TMOD1: variants seen among roughly 807,000 people sequenced by gnomAD.
TMOD1 encodes tropomodulin-1.
TMOD1 carries 17 observed loss-of-function variants against 40.6 expected under a neutral mutation model. The ratio of observed to expected loss-of-function variants is 0.42; its 90% confidence interval spans 0.29 to 0.63. The LOEUF (loss-of-function observed/expected upper bound fraction) is 0.63. TMOD1 is among the 20% of genes least tolerant of loss of function. The probability of loss-of-function intolerance (pLI) is 0.22; values close to 1 mark genes in which losing one functional copy is unlikely to be tolerated. For missense variants in TMOD1, 391 were observed against 447.6 expected, an observed-to-expected ratio of 0.87 and a Z score of 1.14; for synonymous variants, 181 against 175.0, an observed-to-expected ratio of 1.03 and a Z score of -0.27.
rs138882541 is a variant in TMOD1, at chr9:97,528,267, C to T, written c.120+3959C>T. ...CAGGACCCAGGCAGGCACGGAGACTCGGATTTCAAACAGGCTCCAGAGTGT... is the reference window on the plus strand; with the variant it reads ...CAGGACCCAGGCAGGCACGGAGACTTGGATTTCAAACAGGCTCCAGAGTGT... On this transcript the variant is annotated intron_variant, in intron 2 of 9. Transcript: ENST00000259365. Among the ~76,000 whole-genome samples the T allele has an allele frequency of 2.5e-3, 387 of 152,238 alleles. 3 individuals are homozygous for T. The highest frequency in any genetic ancestry group is 8.6e-3 in the African/African-American group (356 of 41,542).
chr9:97,598,327 C>CA (rs71369518), intron 9 of TMOD1, among the ~76,000 whole-genome samples: 4,585 of 71,022 alleles, frequency 0.065, 396 homozygotes, highest in African/African-American at 0.2. Context: ...AACTCCATCT[C>CA]AAAAAAAAAA....
chr9:97,518,588 C>G (rs1829864114), intron 1 of TMOD1, among the ~76,000 whole-genome samples: 1 of 152,238 alleles, frequency 6.6e-6, no homozygotes, highest in African/African-American at 2.4e-5. Flanking sequence ...TTGTCACTGG[C>G]CTTCCAATCA....
At chr9:97,585,980 C>T (rs1447680763) in intron 8 of TMOD1, among the ~76,000 whole-genome samples, 2 of 150,744 alleles carry the variant, frequency 1.3e-5, no homozygotes, top group Middle Eastern at 3.4e-3. Context: ...GTAATTTGAT[C>T]GTCTGAAGCC....
At chr9:97,531,033 A>ACCCCCCC (rs202030181) in intron 2 of TMOD1, among the ~76,000 whole-genome samples, 41 of 78,246 alleles carry the variant, frequency 5.2e-4, no homozygotes, top group East Asian at 6.9e-4. Flanking sequence ...GGTGATCCAC[A>ACCCCCCC]CCCACCCCCC....
intron 1 of TMOD1, among the ~76,000 whole-genome samples, chr9:97,510,517 C>CA (rs1321457852): frequency 6.6e-6 from 1 of 152,240 alleles, no homozygotes; most frequent in African/African-American, 2.4e-5. Context: ...AGGCCTGAGC[C>CA]ACCACACCCG....
At chr9:97,520,131 G>T (rs1188275354) in intron 1 of TMOD1, among the ~76,000 whole-genome samples, 1 of 152,072 alleles carries the variant, frequency 6.6e-6, no homozygotes, top group African/African-American at 2.4e-5. Flanking sequence ...CCTTTGCAGG[G>T]CCCTGGAGGC....
rs141560381 is a variant in TMOD1 at position 97,590,298 on chromosome 9, G to A, written c.871-993G>A. 4.6e-5 allele frequency among the ~76,000 whole-genome samples: 7 copies of A among 151,748 alleles called. No individual in the cohort carries two copies. The South Asian group carries it at 6.2e-4, about 14-fold the overall frequency. ...GAGGGCAGTGGCACAATTTCGGCTC[G>A]CTGCAAACTCTGCCTCCCGGGTTCA... On this transcript the variant is annotated intron_variant, in intron 8 of 9. Transcript: ENST00000259365.
At chr9:97,598,786 G>T (rs932153284) in intron 9 of TMOD1, among the ~76,000 whole-genome samples, 6 of 152,194 alleles carry the variant, frequency 3.9e-5, no homozygotes, top group Non-Finnish European at 7.3e-5. Flanking sequence ...TTGGGAACCT[G>T]AAGACATCTA....
chr9:97,580,208 G>T (rs538256496), intron 8 of TMOD1, among the ~76,000 whole-genome samples: 1 of 152,262 alleles, frequency 6.6e-6, no homozygotes, highest in South Asian at 2.1e-4. Context: ...AGCCATTAGA[G>T]GTGGTTGTGT....
chr9:97,601,725 T>A lies in TMOD1; in HGVS notation c.*2027T>A. ...GAATGGGTGTGGCTGTTCAATAAAC[T>A]ATACAGTTGACCCTTGAACAATATG... On this transcript the variant is annotated 3_prime_UTR_variant, in exon 10 of 10. Transcript: ENST00000259365. 3.4e-6 allele frequency: 1 copy of A among 290,210 alleles called. No homozygotes were observed. The highest frequency in any genetic ancestry group is 5.1e-6 in the Non-Finnish European group (1 of 194,190). The allele number at this position is 290,210 out of a possible 1,614,324, so 18.0% of individuals were successfully genotyped here.
intron 4 of TMOD1, among the ~76,000 whole-genome samples, chr9:97,554,042 C>A (rs553674962): frequency 2.2e-4 from 33 of 152,236 alleles, no homozygotes; most frequent in Middle Eastern, 6.8e-3. Flanking sequence ...GTGTTCCATC[C>A]CCACAGGAAG....
At chr9:97,592,108 A>G (rs1037323716) in intron 9 of TMOD1, among the ~76,000 whole-genome samples, 8 of 152,200 alleles carry the variant, frequency 5.3e-5, no homozygotes, top group African/African-American at 1.9e-4. Flanking sequence ...AAATAGGTAT[A>G]TAAGTCAACT....
At chr9:97,592,038 TAAG>T (rs1826013038) in intron 9 of TMOD1, among the ~76,000 whole-genome samples, 1 of 149,446 alleles carries the variant, frequency 6.7e-6, no homozygotes, top group Non-Finnish European at 1.5e-5. Context: ...ATAAAAAAAT[TAAG>T]AAAATGAAAA....
chr9:97,568,790 G>T (rs1256363812), intron 7 of TMOD1, 104 bp from the exon 8 acceptor site: 6 of 1,370,084 alleles, frequency 4.4e-6, no homozygotes, highest in Non-Finnish European at 6.1e-6. Flanking sequence ...ACATGGTGGA[G>T]ATCATCCTCC....
intron 9 of TMOD1, among the ~76,000 whole-genome samples, chr9:97,597,264 CCA>C (rs1170287380): frequency 6.6e-6 from 1 of 152,208 alleles, no homozygotes; most frequent in Non-Finnish European, 1.5e-5. Context: ...GCTTTTACTC[CCA>C]GTTTTGTGAC....
At position 97,564,118 on chromosome 9, in the gene TMOD1, A is replaced by C; in HGVS notation, c.568A>C (p.Ile190Leu). Residue 190 changes from isoleucine to leucine, a missense_variant, in exon 6 of 10, where the codon ATA (isoleucine) becomes CTA (leucine). By Grantham distance (5) the Ile-to-Leu change is conservative. Transcript: ENST00000259365. ...AGACGTAGAGGAAACGCTGGAACGG[A>C]TAAAGAACAACGACCCAAAACTTGA... ...STDVEETLER[I>L]KNNDPKLEEV... 6.2e-7 allele frequency: 1 copy of C among 1,613,910 alleles called. No homozygotes were observed. The highest frequency in any genetic ancestry group is 8.5e-7 in the Non-Finnish European group (1 of 1,179,858).
chr9:97,594,071 T>TGGC (rs1826055043), intron 9 of TMOD1, among the ~76,000 whole-genome samples: 1 of 152,096 alleles, frequency 6.6e-6, no homozygotes, highest in Non-Finnish European at 1.5e-5. Context: ...CTCAGGGGCC[T>TGGC]GGCGATGGAA....
In TMOD1 at chr9:97,553,311, T is replaced by C. The variant is rs1830481215; in HGVS notation, c.308T>C (p.Leu103Pro). ...GTCTGGGTTCCTAAGCAGAAGCCACTGGATCCTGTGCTGGAAAGTGTGACG... is the reference window on the plus strand; with the variant it reads ...GTCTGGGTTCCTAAGCAGAAGCCACCGGATCCTGTGCTGGAAAGTGTGACG... ...GKVWVPKQKP[L>P]DPVLESVTLE... is the part of the protein sequence containing the mutation. The change falls in exon 4 of 10, where the codon CTG becomes CCG. Residue 103 changes from leucine to proline, a missense_variant. Coordinates refer to ENST00000259365, the MANE Select transcript of TMOD1 (RefSeq NM_003275.4). 1 of 1,614,082 alleles carries C rather than the reference T, an allele frequency of 6.2e-7. No homozygotes were observed. The highest frequency in any genetic ancestry group is 8.5e-7 in the Non-Finnish European group (1 of 1,180,030).
intron 2 of TMOD1, among the ~76,000 whole-genome samples, chr9:97,537,315 C>T (rs150056338): frequency 1.1e-3 from 165 of 152,292 alleles, no homozygotes; most frequent in African/African-American, 3.2e-3. Context: ...TGTGATCGTG[C>T]GTGCCTGTGT....
Sources: gnomAD v4.1 joint callset for allele counts (sites outside exome capture counted in the v4.1 genomes callset) on GRCh38, gnomAD v4.1.1 for gene constraint, MANE v1.5 for transcripts, NCBI Gene and HGNC (gene_info 2026-07-23, HGNC 2026-07-21) for gene names.